Variants in ADK observed in about 807,000 individuals in gnomAD.
ADK encodes the protein N6,N6-dimethyladenosine kinase.
In ADK, 24 loss-of-function variants were observed where a neutral mutation model predicts 44.7. The ratio of observed to expected loss-of-function variants is 0.54; its 90% CI spans 0.39 to 0.76. ADK has a LOEUF of 0.76. Ranked by LOEUF, ADK falls within the 30% of genes least tolerant of loss-of-function variation. ADK has a pLI of 0.00. For synonymous variants in ADK, 128 were observed against 142.6 expected (o/e 0.90, Z 0.73); for missense variants, 321 against 425.1 (o/e 0.76, Z 2.15).
At chr10:74,448,322 A>C (rs1845655450) in intron 6 of ADK, among the ~76,000 whole-genome samples, 1 of 152,164 alleles carries the variant, frequency 6.6e-6, no homozygotes, top group Non-Finnish European at 1.5e-5. Flanking sequence ...GAGTGTTCCC[A>C]GTGCTGATTA....
chr10:74,470,333 T>G (rs1271686826), intron 6 of ADK, among the ~76,000 whole-genome samples: 1 of 152,098 alleles, frequency 6.6e-6, no homozygotes, highest in South Asian at 2.1e-4. Flanking sequence ...CCACATTTTC[T>G]TTATACATTC....
At chr10:74,575,840 A>G (rs904294503) in intron 7 of ADK, among the ~76,000 whole-genome samples, 9 of 152,190 alleles carry the variant, frequency 5.9e-5, no homozygotes, top group African/African-American at 1.7e-4. Flanking sequence ...GAGTGAGACT[A>G]GTACTGGAGA....
chr10:74,345,314 T>A (rs1841727712), intron 4 of ADK, among the ~76,000 whole-genome samples: 1 of 152,066 alleles, frequency 6.6e-6, no homozygotes, highest in Admixed American at 6.5e-5. Flanking sequence ...ATCTTTTTTT[T>A]TTTTCCCAGA....
intron 6 of ADK, among the ~76,000 whole-genome samples, chr10:74,459,021 T>A (rs952478829): frequency 1.3e-5 from 2 of 152,152 alleles, no homozygotes; most frequent in Middle Eastern, 3.2e-3. Flanking sequence ...GACTTATGCC[T>A]ATAATCCCAG....
At chr10:74,540,096 A>G (rs908277785) in intron 7 of ADK, among the ~76,000 whole-genome samples, 11 of 152,156 alleles carry the variant, frequency 7.2e-5, no homozygotes, top group South Asian at 2.1e-4. Context: ...ATCATCCCCA[A>G]TCTAACATCC....
Position 74,351,122 on chromosome 10 carries a change from C to T in ADK, c.273+36377C>T, listed in dbSNP as rs532993064. On this transcript the variant is annotated intron_variant, in intron 4 of 10. Transcript: ENST00000539909. The stretch of plus-strand genomic sequence containing the variant: ...ATTCCAAAACTTGACAGAGACACAA[C>T]AAAAAAAGAAAATTTCAGGCCAATA... Among the ~76,000 whole-genome samples the T allele has an allele frequency of 4.6e-5, 7 of 152,098 alleles. No homozygotes were observed. In the East Asian group the frequency reaches 1.4e-3, roughly 29 times the overall value.
intron 3 of ADK, among the ~76,000 whole-genome samples, chr10:74,251,630 T>C (rs1015785861): frequency 1.3e-5 from 2 of 152,276 alleles, no homozygotes; most frequent in South Asian, 2.1e-4. Context: ...TGACCAAGAT[T>C]GTTACAGCAA....
rs148548234 is a variant in ADK at position 74,690,533 on chromosome 10, G to A, written c.965-17788G>A. On this transcript the variant is annotated intron_variant, in intron 10 of 10. Coordinates refer to ENST00000539909, the MANE Select transcript of ADK (RefSeq NM_006721.4). ...TATCACATCATACAAGATCCTTGAC[G>A]ATATGTCCCCATTTTGTCTTTCCCG... is the stretch of plus-strand genomic sequence containing the variant. Among the ~76,000 whole-genome samples, 1,110 of 152,276 alleles carry A rather than the reference G, an allele frequency of 7.3e-3. 48 individuals are homozygous for A. Among genetic ancestry groups the A allele is most frequent in the Admixed American group, 0.063 (959 of 15,284 alleles).
chr10:74,404,648 C>T (rs1345614162), intron 6 of ADK, among the ~76,000 whole-genome samples: 1 of 152,118 alleles, frequency 6.6e-6, no homozygotes, highest in Admixed American at 6.6e-5. Context: ...TTTTGTTCTT[C>T]AATGTTTCAC....
At chr10:74,602,131 A>G (rs898299024) in intron 9 of ADK, among the ~76,000 whole-genome samples, 1 of 145,388 alleles carries the variant, frequency 6.9e-6, no homozygotes. Flanking sequence ...AAAAAAAAAG[A>G]ACGGAGGGCA....
At chr10:74,444,636 T>C (rs1262554891) in intron 6 of ADK, among the ~76,000 whole-genome samples, 2 of 152,116 alleles carry the variant, frequency 1.3e-5, no homozygotes, top group Non-Finnish European at 2.9e-5. Flanking sequence ...CTTATAAGTA[T>C]AGTGTAAACA....
intron 3 of ADK, among the ~76,000 whole-genome samples, chr10:74,246,732 C>T (rs1043287287): frequency 1.6e-4 from 25 of 152,054 alleles, no homozygotes; most frequent in Admixed American, 4.6e-4. Flanking sequence ...TGGGTGACTC[C>T]ATTTTGATTT....
intron 8 of ADK, among the ~76,000 whole-genome samples, chr10:74,595,704 AG>A (rs749287963): frequency 1 from 122,858 of 122,930 alleles, 61,402 homozygotes; most frequent in Middle Eastern, 1. Flanking sequence ...TTAAAAAAAT[AG>A]GCTATATGGC....
At chr10:74,180,208 T>TA (rs1554826125) in intron 1 of ADK, among the ~76,000 whole-genome samples, 6 of 96,528 alleles carry the variant, frequency 6.2e-5, no homozygotes, top group African/African-American at 1.2e-4. Flanking sequence ...CTCTTTTCTT[T>TA]TTATTATTAT....
At chr10:74,663,774 T>A (rs1256802658) in intron 9 of ADK, among the ~76,000 whole-genome samples, 1 of 152,188 alleles carries the variant, frequency 6.6e-6, no homozygotes, top group Non-Finnish European at 1.5e-5. Context: ...TCTTTATGCC[T>A]CAAAAGTCCT....
chr10:74,238,399 A>G (rs189067593), intron 3 of ADK, among the ~76,000 whole-genome samples: 40 of 152,318 alleles, frequency 2.6e-4, no homozygotes, highest in Admixed American at 2.0e-3. Flanking sequence ...TGTTTAAGTG[A>G]AATGGCCTGT....
chr10:74,656,008 T>A (rs1854475174), intron 9 of ADK: 1 of 634,228 alleles, frequency 1.6e-6, no homozygotes, highest in Non-Finnish European at 3.0e-6. Flanking sequence ...TGCTCTTTCC[T>A]GCAGGAGCTG....
chr10:74,348,113 G>T (rs1841838388), intron 4 of ADK, among the ~76,000 whole-genome samples: 1 of 152,160 alleles, frequency 6.6e-6, no homozygotes. Flanking sequence ...CAAGTGAGTT[G>T]AGGAGACTCC....
At chr10:74,331,292 A>AT (rs563882800) in intron 4 of ADK, among the ~76,000 whole-genome samples, 18,674 of 151,458 alleles carry the variant, frequency 0.12, 1,211 homozygotes, top group Middle Eastern at 0.17. Context: ...ACCTGTTTTG[A>AT]TTTTTTTTTC....
Sources: gnomAD v4.1 joint callset for allele counts (sites outside exome capture counted in the v4.1 genomes callset) on GRCh38, gnomAD v4.1.1 for gene constraint, MANE v1.5 for transcripts, NCBI Gene and HGNC (gene_info 2026-07-23, HGNC 2026-07-21) for gene names.